Variants in VPS13C observed in about 807,000 individuals in gnomAD.
The protein encoded by VPS13C is intermembrane lipid transfer protein VPS13C.
A neutral mutation model predicts 456.8 loss-of-function variants in VPS13C; 358 were observed. The ratio of observed to expected loss-of-function variants is 0.78; its 90% confidence interval spans 0.72 to 0.86. The LOEUF is 0.86. Ranked by LOEUF, VPS13C falls within the 40% of genes least tolerant of loss-of-function variation. The pLI is 0.00. For synonymous variants in VPS13C, 1,578 were observed against 1,486.7 expected, an observed-to-expected ratio of 1.06 and a Z score of -1.41; for missense variants, 4,818 against 4,385.4, an observed-to-expected ratio of 1.10 and a Z score of -2.79.
rs766144187 is a variant in VPS13C, at chr15:62,016,265, T to TTA, written c.685-2275_685-2274dup. Among the ~76,000 whole-genome samples, 1,160 of 150,204 alleles carry TTA rather than the reference T, an allele frequency of 7.7e-3. 6 individuals carry two copies. Among genetic ancestry groups the TTA allele is most frequent in the Non-Finnish European group, 0.012 (830 of 67,458 alleles). On this transcript the variant is annotated intron_variant, in intron 9 of 84. Transcript: ENST00000644861. The stretch of plus-strand genomic sequence containing the variant: ...ATGGTTCACTGTCCTTAACTTTATT[T>TTA]TATATATATATATATTTTTATTATA...
At position 62,033,519 on chromosome 15, in the gene VPS13C, CT is replaced by C; in HGVS notation, c.306del (p.Glu103LysfsTer88). 6.2e-7 allele frequency: 1 copy of C among 1,604,078 alleles called. No homozygotes were observed. Among genetic ancestry groups the C allele is most frequent in the Non-Finnish European group, 8.5e-7 (1 of 1,174,320 alleles). On this transcript the variant is annotated frameshift_variant, in exon 5 of 85. Coordinates refer to ENST00000644861, the MANE Select transcript of VPS13C (RefSeq NM_020821.3). LOFTEE classifies it high-confidence loss of function. ...PGASIKYDAV[K>X]EEKSLQDVKQ... ...TTAACATCCTGCAAGGATTTTTCTTCTTTTACAGCATCATACTTAATACCTA... is the reference window on the plus strand; with the variant it reads ...TTAACATCCTGCAAGGATTTTTCTTCTTTACAGCATCATACTTAATACCTA...
intron 47 of VPS13C, among the ~76,000 whole-genome samples, chr15:61,940,175 C>T (rs1218172382): frequency 6.6e-6 from 1 of 151,750 alleles, no homozygotes; most frequent in Non-Finnish European, 1.5e-5. Context: ...CTAATTAAAA[C>T]GGGCCCTCTA....
intron 5 of VPS13C, among the ~76,000 whole-genome samples, chr15:62,031,777 A>G (rs969673158): frequency 2.6e-5 from 4 of 151,890 alleles, no homozygotes; most frequent in African/African-American, 9.7e-5. Context: ...TTTATATCAA[A>G]CCATTCATAA....
intron 35 of VPS13C, among the ~76,000 whole-genome samples, chr15:61,961,017 G>C (rs1418768706): frequency 1.3e-5 from 2 of 151,920 alleles, no homozygotes; most frequent in Non-Finnish European, 2.9e-5. Flanking sequence ...GGATGCAGAA[G>C]TTGCAGTGAG....
At chr15:61,984,284 G>C (rs2045970885) in intron 19 of VPS13C, among the ~76,000 whole-genome samples, 1 of 152,234 alleles carries the variant, frequency 6.6e-6, no homozygotes, top group African/African-American at 2.4e-5. Flanking sequence ...GATCACTGTT[G>C]TATGAATAAA....
Position 61,927,305 on chromosome 15 carries a change from G to C in VPS13C, c.6302C>G (p.Pro2101Arg), listed in dbSNP as rs1475012401. The change falls in exon 52 of 85, where the codon CCA becomes CGA. Residue 2101 changes from proline to arginine, a missense_variant. Pro to Arg is a moderately radical substitution (Grantham distance 103, BLOSUM62 -2). This residue lies in a region of VPS13C where 4,552 missense variants were observed against 4,130.6 expected (regional missense o/e 1.10). Coordinates refer to ENST00000644861, the MANE Select transcript of VPS13C (RefSeq NM_020821.3). ...GATCATGGCCTTTAAAGTCATATTT[G>C]GTCTAACAGAGTCATCTGAAGAAAC... is the stretch of plus-strand genomic sequence containing the variant. ...VKIEKDDSVR[P>R]NMTLKAMITD... The C allele has an allele frequency of 1.2e-6, 2 of 1,613,586 alleles. No individual in the cohort carries two copies. The highest frequency in any genetic ancestry group is 2.2e-5 in the East Asian group (1 of 44,880).
intron 77 of VPS13C, 118 bp from the exon 78 acceptor site, chr15:61,873,527 G>C (rs2140882449): frequency 9.8e-7 from 1 of 1,025,456 alleles, no homozygotes; most frequent in Non-Finnish European, 1.4e-6. Flanking sequence ...AAATATTTCT[G>C]AAAAGGAGAC....
intron 66 of VPS13C, among the ~76,000 whole-genome samples, chr15:61,902,276 A>C (rs2140117506): frequency 6.6e-6 from 1 of 151,820 alleles, no homozygotes; most frequent in African/African-American, 2.4e-5. Flanking sequence ...AAAGAAAAAA[A>C]ACGTAAAAAA....
At chr15:62,014,327 G>C (rs896515325) in intron 9 of VPS13C, among the ~76,000 whole-genome samples, 3 of 152,150 alleles carry the variant, frequency 2.0e-5, no homozygotes, top group Admixed American at 2.0e-4. Flanking sequence ...AAAAAAACAA[G>C]TAATTGTTTT....
At chr15:62,047,874 A>G (rs912461859) in intron 1 of VPS13C, among the ~76,000 whole-genome samples, 2 of 152,194 alleles carry the variant, frequency 1.3e-5, no homozygotes, top group East Asian at 1.9e-4. Context: ...CTAAAAATCA[A>G]CCATTTTATA....
chr15:61,998,208 C>T (rs1002358046), intron 16 of VPS13C, among the ~76,000 whole-genome samples: 3 of 152,160 alleles, frequency 2.0e-5, no homozygotes, highest in African/African-American at 7.2e-5. Context: ...CTGATTGCCC[C>T]ATGGTCTTCA....
chr15:61,919,947 A>G, intron 57 of VPS13C, 120 bp downstream of exon 57: 2 of 985,834 alleles, frequency 2.0e-6, no homozygotes, highest in Non-Finnish European at 2.8e-6. Flanking sequence ...GTTAGCAATT[A>G]TATGTTTCAA....
chr15:61,894,117 C>T (rs1428822127), intron 66 of VPS13C, among the ~76,000 whole-genome samples: 1 of 151,916 alleles, frequency 6.6e-6, no homozygotes, highest in African/African-American at 2.4e-5. Context: ...ACCAGTCTGG[C>T]CAACATGGTG....
At position 61,884,256 on chromosome 15, in the gene VPS13C, AAAC is replaced by A. The variant is rs1366426216; in HGVS notation, c.9352_9354del (p.Val3118del). On this transcript the variant is annotated inframe_deletion, in exon 68 of 85. Coordinates refer to ENST00000644861, the MANE Select transcript of VPS13C (RefSeq NM_020821.3). The stretch of plus-strand genomic sequence containing the variant: ...CATTTCTGCTTTGGTTTCACCTCCC[AAAC>A]AACACCAGAACTAAATAATTCACAC... 6.2e-7 allele frequency: 1 copy of A among 1,610,956 alleles called. No individual in the cohort carries two copies. Among genetic ancestry groups the A allele is most frequent in the African/African-American group, 1.3e-5 (1 of 74,924 alleles).
At chr15:61,996,336 C>G (rs1244146383) in intron 16 of VPS13C, among the ~76,000 whole-genome samples, 2 of 152,110 alleles carry the variant, frequency 1.3e-5, no homozygotes, top group African/African-American at 4.8e-5. Context: ...AGAAGGCAAA[C>G]ACAACTTAGA....
intron 53 of VPS13C, among the ~76,000 whole-genome samples, chr15:61,923,368 C>CT (rs954758191): frequency 9.9e-5 from 15 of 152,184 alleles, no homozygotes; most frequent in Non-Finnish European, 4.4e-5. Context: ...CTTCCTATTA[C>CT]TGTGCCTTAG....
At chr15:61,997,007 A>ATATATATATATATATG (rs968354397) in intron 16 of VPS13C, among the ~76,000 whole-genome samples, 1 of 150,954 alleles carries the variant, frequency 6.6e-6, no homozygotes, top group African/African-American at 2.4e-5. Flanking sequence ...ACATATATAT[A>ATATATATATATATATG]TATATGTATA....
rs60910951 is a variant in VPS13C, at chr15:61,914,878, TAAAAAA to T, written c.8445+749_8445+754del. 2.0e-3 allele frequency among the ~76,000 whole-genome samples: 203 copies of T among 102,048 alleles called. 11 individuals carry two copies. Among genetic ancestry groups the T allele is most frequent in the African/African-American group, 6.5e-3 (175 of 27,088 alleles). The allele number at this position is 102,048 out of a possible 152,430, so 66.9% of individuals were successfully genotyped here. A position where few individuals can be genotyped will look rare whatever the true frequency, so the allele number is the denominator to read the frequency against. On this transcript the variant is annotated intron_variant, in intron 61 of 84. Transcript: ENST00000644861. ...ACCGAGCCTGGCCAAAACTCTGCCTTAAAAAAAAAAAAAAAAAAAAAAAAAAAAAAA... is the reference window on the plus strand; with the variant it reads ...ACCGAGCCTGGCCAAAACTCTGCCTTAAAAAAAAAAAAAAAAAAAAAAAAA...
intron 66 of VPS13C, among the ~76,000 whole-genome samples, chr15:61,903,131 G>A (rs1347854980): frequency 1.3e-5 from 2 of 151,952 alleles, no homozygotes; most frequent in African/African-American, 4.8e-5. Context: ...TTTGAGACCA[G>A]CCTGGGCAAC....
Sources: allele counts gnomAD v4.1 joint callset (sites outside exome capture counted in the v4.1 genomes callset), GRCh38; gene constraint gnomAD v4.1.1; regional missense constraint gnomAD v4.1.1; transcripts MANE v1.5; gene names NCBI Gene and HGNC (gene_info 2026-07-23, HGNC 2026-07-21).